GRM8: variants seen among roughly 807,000 people sequenced by gnomAD.
GRM8 encodes the protein metabotropic glutamate receptor 8.
In GRM8, 47 loss-of-function variants were observed where a neutral mutation model predicts 87.2. That is an observed-to-expected ratio of 0.54 (90% CI 0.43 to 0.69). The LOEUF (loss-of-function observed/expected upper bound fraction) is 0.69, where lower values mean the gene tolerates loss of function less well. Among genes scored for constraint, GRM8 ranks in the 30% least tolerant of loss-of-function variants. The pLI is 0.00. For missense variants in GRM8, 1,019 were observed against 1,139.2 expected, an observed-to-expected ratio of 0.89 and a Z score of 1.52; for synonymous variants, 396 against 404.5, an observed-to-expected ratio of 0.98 and a Z score of 0.25.
At chr7:126,643,172 C>T (rs2151209868) in intron 7 of GRM8, among the ~76,000 whole-genome samples, 1 of 150,732 alleles carries the variant, frequency 6.6e-6, no homozygotes, top group East Asian at 2.0e-4. Flanking sequence ...TGCCTGTGGT[C>T]CCAGCTACTT....
chr7:126,635,924 T>G (rs1215789701), intron 7 of GRM8, among the ~76,000 whole-genome samples: 2 of 152,142 alleles, frequency 1.3e-5, no homozygotes, highest in African/African-American at 4.8e-5. Flanking sequence ...ACATCATAAA[T>G]TCACCACTAA....
chr7:126,910,800 G>A (rs2131288958), intron 3 of GRM8, among the ~76,000 whole-genome samples: 1 of 152,298 alleles, frequency 6.6e-6, no homozygotes, highest in East Asian at 1.9e-4. Context: ...GTGGTCAGGT[G>A]TCACAGATAT....
chr7:127,067,674 A>G (rs1821266212), intron 3 of GRM8, among the ~76,000 whole-genome samples: 1 of 152,168 alleles, frequency 6.6e-6, no homozygotes, highest in African/African-American at 2.4e-5. Context: ...TTTAAAGGGT[A>G]TTATCCTGCA....
intron 9 of GRM8, among the ~76,000 whole-genome samples, chr7:126,498,514 T>C (rs1809121395): frequency 6.6e-6 from 1 of 151,918 alleles, no homozygotes; most frequent in Non-Finnish European, 1.5e-5. Flanking sequence ...AGCCCCTTGC[T>C]GGCATACCAT....
chr7:126,665,777 T>C (rs947213184), intron 7 of GRM8, among the ~76,000 whole-genome samples: 5 of 151,790 alleles, frequency 3.3e-5, no homozygotes, highest in African/African-American at 1.2e-4. Flanking sequence ...TAATATTAAA[T>C]TATATAAAAT....
At chr7:126,547,788 C>T (rs1212979637) in intron 8 of GRM8, among the ~76,000 whole-genome samples, 1 of 151,344 alleles carries the variant, frequency 6.6e-6, no homozygotes, top group African/African-American at 2.4e-5. Flanking sequence ...ACTGAGATTC[C>T]AGCACAACAT....
At position 126,701,688 on chromosome 7, in the gene GRM8, T is replaced by G. The variant is rs75885815; in HGVS notation, c.1357+68177A>C. The G allele has an allele frequency of 1.5e-5, 8 of 519,390 alleles. No individual in the cohort carries two copies. In the African/African-American group the frequency reaches 1.6e-4, roughly 10 times the overall value. 32.2% of individuals were successfully genotyped at this position (519,390 alleles called of 1,614,324 possible). A position where few individuals can be genotyped will look rare whatever the true frequency, so the allele number is the denominator to read the frequency against. On this transcript the variant is annotated intron_variant, in intron 7 of 10. Transcript: ENST00000339582. ...GATAGTAAAATATTGTGAGAATTTT[T>G]TTTTAGTTTTAGAAATCCTACAAGA...
intron 5 of GRM8, among the ~76,000 whole-genome samples, chr7:126,903,765 A>ATGTG (rs72467951): frequency 0.24 from 22,590 of 95,070 alleles, 4,846 homozygotes; most frequent in East Asian, 0.56. Flanking sequence ...GTATATATAT[A>ATGTG]TGTGTGTGTG....
At chr7:126,675,276 A>C (rs1427091064) in intron 7 of GRM8, among the ~76,000 whole-genome samples, 2 of 152,192 alleles carry the variant, frequency 1.3e-5, no homozygotes, top group African/African-American at 4.8e-5. Flanking sequence ...AACAAAAACC[A>C]AAATCAGATG....
intron 2 of GRM8, among the ~76,000 whole-genome samples, chr7:127,140,221 G>A (rs1054304682): frequency 4.6e-5 from 7 of 152,004 alleles, no homozygotes; most frequent in Non-Finnish European, 8.8e-5. Flanking sequence ...ATTCTTTGAT[G>A]TGAAGGGCCA....
At chr7:127,050,878 C>T (rs1173980454) in intron 3 of GRM8, among the ~76,000 whole-genome samples, 2 of 152,102 alleles carry the variant, frequency 1.3e-5, no homozygotes, top group African/African-American at 4.8e-5. Flanking sequence ...AAGTCCTTGT[C>T]CTGGTTTGCA....
At chr7:126,675,105 TC>T (rs1806809613) in intron 7 of GRM8, among the ~76,000 whole-genome samples, 5 of 152,148 alleles carry the variant, frequency 3.3e-5, no homozygotes, top group Admixed American at 3.3e-4. Flanking sequence ...AGTACATAGA[TC>T]AAGATATCAG....
intron 2 of GRM8, among the ~76,000 whole-genome samples, chr7:127,119,641 T>C (rs1265323619): frequency 6.6e-6 from 1 of 152,156 alleles, no homozygotes; most frequent in African/African-American, 2.4e-5. Context: ...AGGCTATAGA[T>C]TGCTTAGGAA....
At chr7:127,059,021 A>G (rs1180767535) in intron 3 of GRM8, among the ~76,000 whole-genome samples, 1 of 152,186 alleles carries the variant, frequency 6.6e-6, no homozygotes, top group African/African-American at 2.4e-5. Flanking sequence ...GTGCTCACAG[A>G]GCAATAAGGG....
At chr7:127,078,623 T>A (rs1033558668) in intron 3 of GRM8, among the ~76,000 whole-genome samples, 1 of 152,240 alleles carries the variant, frequency 6.6e-6, no homozygotes, top group Non-Finnish European at 1.5e-5. Context: ...AACATGGCTC[T>A]TAGAGACACC....
At chr7:126,904,908 A>G (rs1299516166) in intron 3 of GRM8, among the ~76,000 whole-genome samples, 1 of 152,212 alleles carries the variant, frequency 6.6e-6, no homozygotes, top group East Asian at 1.9e-4. Flanking sequence ...CAATATTTAA[A>G]CATTATTTTT....
rs574960101 is a variant in GRM8, at chr7:126,974,277, C to T, written c.728-69594G>A. On this transcript the variant is annotated intron_variant, in intron 3 of 10. Coordinates refer to ENST00000339582, the MANE Select transcript of GRM8 (RefSeq NM_000845.3). The stretch of plus-strand genomic sequence containing the variant: ...TCAAGTATTTTGGATAAAAGATACA[C>T]AACCTGTAGTTAATAAAATTGTATT... Among the ~76,000 whole-genome samples the T allele has an allele frequency of 7.2e-5, 11 of 152,270 alleles. No homozygotes were observed. The East Asian group carries it at 2.1e-3, about 29-fold the overall frequency.
chr7:126,673,359 A>G (rs1051960954), intron 7 of GRM8, among the ~76,000 whole-genome samples: 1 of 152,196 alleles, frequency 6.6e-6, no homozygotes, highest in Non-Finnish European at 1.5e-5. Flanking sequence ...ATTTAGGGAA[A>G]TACTTTCAAG....
chr7:127,191,750 A>G (rs1009004603), intron 2 of GRM8, among the ~76,000 whole-genome samples: 1 of 152,182 alleles, frequency 6.6e-6, no homozygotes, highest in Non-Finnish European at 1.5e-5. Flanking sequence ...CAAGAGGACA[A>G]ATTTCTCATA....
Sources: gnomAD v4.1 joint callset for allele counts (sites outside exome capture counted in the v4.1 genomes callset) on GRCh38, gnomAD v4.1.1 for gene constraint, MANE v1.5 for transcripts, NCBI Gene and HGNC (gene_info 2026-07-23, HGNC 2026-07-21) for gene names.